The following NEK11 variants were observed in gnomAD, a reference collection of about 807,000 sequenced individuals.
NEK11 encodes the protein NIMA related kinase 11.
Under a neutral mutation model 80.7 loss-of-function variants are expected in NEK11, and 72 were observed. The ratio of observed to expected loss-of-function variants is 0.89; its 90% CI spans 0.74 to 1.08. The LOEUF (loss-of-function observed/expected upper bound fraction) is 1.08, where lower values mean the gene tolerates loss of function less well. NEK11 is among the 50% of genes least tolerant of loss of function. The pLI is 0.00. For missense variants in NEK11, 764 were observed against 763.6 expected (o/e 1.00, Z -0.01); for synonymous variants, 251 against 260.7 (o/e 0.96, Z 0.36).
chr3:131,287,037 C>G (rs534151345), intron 17 of NEK11, among the ~76,000 whole-genome samples: 4 of 152,132 alleles, frequency 2.6e-5, no homozygotes, highest in African/African-American at 4.8e-5. Flanking sequence ...AATATTAGAG[C>G]CCTAGTATTG....
At chr3:131,056,993 C>T (rs888278062) in intron 3 of NEK11, among the ~76,000 whole-genome samples, 5 of 150,102 alleles carry the variant, frequency 3.3e-5, no homozygotes, top group East Asian at 2.0e-4. Flanking sequence ...CCCATTAACT[C>T]GTCATTTAGC....
intron 17 of NEK11, among the ~76,000 whole-genome samples, chr3:131,304,716 C>A (rs1434246874): frequency 6.6e-6 from 1 of 152,004 alleles, no homozygotes; most frequent in Non-Finnish European, 1.5e-5. Flanking sequence ...TTCTCTGGAC[C>A]CTTGAGGTTA....
At chr3:131,168,518 G>A (rs537684417) in intron 12 of NEK11, among the ~76,000 whole-genome samples, 2 of 151,022 alleles carry the variant, frequency 1.3e-5, no homozygotes, top group South Asian at 2.1e-4. Flanking sequence ...CACTACGCCC[G>A]GCTAATTTTT....
intron 14 of NEK11, among the ~76,000 whole-genome samples, chr3:131,183,674 C>G (rs898316988): frequency 6.6e-6 from 1 of 152,164 alleles, no homozygotes; most frequent in Non-Finnish European, 1.5e-5. Context: ...TTTTCTTTAT[C>G]CAGTCTATCA....
At chr3:131,161,149 C>CAAAAAAAAAA (rs371334381) in intron 10 of NEK11, among the ~76,000 whole-genome samples, 3 of 115,100 alleles carry the variant, frequency 2.6e-5, no homozygotes, top group Admixed American at 9.3e-5. Flanking sequence ...GACTCCATCT[C>CAAAAAAAAAA]AAAAAAAAAA....
chr3:131,267,103 C>T (rs2096073687), intron 16 of NEK11, among the ~76,000 whole-genome samples: 2 of 152,148 alleles, frequency 1.3e-5, no homozygotes, highest in Admixed American at 1.3e-4. Flanking sequence ...AGATGGGTCT[C>T]CTGAATACAG....
chr3:131,331,727 A>G (rs998979288), intron 17 of NEK11, among the ~76,000 whole-genome samples: 8 of 152,230 alleles, frequency 5.3e-5, no homozygotes, highest in African/African-American at 1.9e-4. Context: ...AAGGGGTGAC[A>G]GACGGCACCT....
Position 131,272,463 on chromosome 3 carries a change from C to CTTTTTTTTTTTTTTTTTTT in NEK11, c.1622-1003_1622-985dup, listed in dbSNP as rs869304359. ...CTTGCTAATGGGCCAGTTTTAGCTT[C>CTTTTTTTTTTTTTTTTTTT]TTTTTTTTTTTTTTTTTTTTTTTTT... On this transcript the variant is annotated intron_variant, in intron 16 of 17. Transcript: ENST00000383366. Among the ~76,000 whole-genome samples, 66 of 43,898 alleles carry CTTTTTTTTTTTTTTTTTTT rather than the reference C, an allele frequency of 1.5e-3. 14 individuals carry two copies. Among genetic ancestry groups the CTTTTTTTTTTTTTTTTTTT allele is most frequent in the East Asian group, 4.7e-3 (5 of 1,068 alleles). The allele number at this position is 43,898 out of a possible 152,430, so 28.8% of individuals were successfully genotyped here.
At chr3:131,057,510 TA>T (rs1160117987) in intron 3 of NEK11, among the ~76,000 whole-genome samples, 2 of 151,346 alleles carry the variant, frequency 1.3e-5, no homozygotes, top group Non-Finnish European at 3.0e-5. Context: ...ACCAACAGTG[TA>T]AAAGTGTTCC....
At chr3:131,339,472 T>C (rs959079327) in intron 17 of NEK11, among the ~76,000 whole-genome samples, 1 of 152,182 alleles carries the variant, frequency 6.6e-6, no homozygotes, top group Non-Finnish European at 1.5e-5. Flanking sequence ...CTAACGGGGC[T>C]TCGGTCTTTT....
At chr3:131,222,808 T>G (rs1328925586) in intron 14 of NEK11, among the ~76,000 whole-genome samples, 1 of 152,222 alleles carries the variant, frequency 6.6e-6, no homozygotes, top group Non-Finnish European at 1.5e-5. Flanking sequence ...CAGCAAGTCT[T>G]GGGGTGGGAC....
intron 3 of NEK11, among the ~76,000 whole-genome samples, chr3:131,041,626 T>G (rs963093965): frequency 6.6e-6 from 1 of 152,166 alleles, no homozygotes; most frequent in Non-Finnish European, 1.5e-5. Context: ...GGACAGTTTT[T>G]TAGTTCAACA....
rs150260472 is a variant in NEK11, at chr3:131,132,828, T to A, written c.520+19T>A. 1.1e-4 allele frequency: 138 copies of A among 1,218,496 alleles called. 1 individual carries two copies. The African/African-American group carries it at 1.7e-3, about 15-fold the overall frequency. The allele number at this position is 1,218,496 out of a possible 1,614,324, so 75.5% of individuals were successfully genotyped here. ...AAAATTGGTAAGATTTTAAAAAGTA[T>A]GAATTCCAAAAACGCAGAACAGTAT... On this transcript the variant is annotated intron_variant, in intron 6 of 17. Transcript: ENST00000383366.
intron 14 of NEK11, among the ~76,000 whole-genome samples, chr3:131,171,854 A>G (rs76552455): frequency 0.011 from 1,715 of 152,334 alleles, 19 homozygotes; most frequent in Non-Finnish European, 0.017. Context: ...ATATTTCTTG[A>G]GTGAATTAAT....
Position 131,243,515 on chromosome 3 carries a change from G to A in NEK11, c.1621+19G>A. ...TCTCTAGGTGAGTAAGTTCCTTTAG[G>A]CTTCAAAATACATTGACAGCTACTG... is the stretch of plus-strand genomic sequence containing the variant. On this transcript the variant is annotated intron_variant, in intron 16 of 17. Coordinates refer to ENST00000383366, the MANE Select transcript of NEK11 (RefSeq NM_024800.5). 1 of 1,601,630 alleles carries A rather than the reference G, an allele frequency of 6.2e-7. No homozygotes were observed. The highest frequency in any genetic ancestry group is 1.1e-5 in the South Asian group (1 of 90,450).
At chr3:131,335,447 A>C (rs1362487250) in intron 17 of NEK11, among the ~76,000 whole-genome samples, 3 of 152,340 alleles carry the variant, frequency 2.0e-5, no homozygotes, top group African/African-American at 4.8e-5. Flanking sequence ...TCAATAAATT[A>C]GGTATTGATG....
At chr3:131,036,885 C>T (rs976422965) in intron 3 of NEK11, among the ~76,000 whole-genome samples, 2 of 152,130 alleles carry the variant, frequency 1.3e-5, no homozygotes, top group Admixed American at 6.5e-5. Context: ...GTGAATGGCA[C>T]TAAAATGGAA....
chr3:131,280,768 C>A (rs1036642930), intron 17 of NEK11, among the ~76,000 whole-genome samples: 1 of 152,134 alleles, frequency 6.6e-6, no homozygotes, highest in Admixed American at 6.5e-5. Context: ...AATAAATAGC[C>A]GGGATCTTTG....
Position 131,165,432 on chromosome 3 carries a change from T to C in NEK11, c.1089T>C (p.Ile363=). Residue 363 remains isoleucine (I), a synonymous_variant, in exon 12 of 18, where the codon ATT becomes ATC. Transcript: ENST00000383366. ...ATTCACTTTAAATTTACAGAAAGAT[T>C]GTGGAAGAAAAATATGAAGAAAATA... ...ADEKARKLKK[I]VEEKYEENSK... 1 of 1,600,028 alleles carries C rather than the reference T, an allele frequency of 6.2e-7. No individual in the cohort carries two copies. Among genetic ancestry groups the C allele is most frequent in the Middle Eastern group, 1.7e-4 (1 of 5,908 alleles).
Sources: allele counts gnomAD v4.1 joint callset (sites outside exome capture counted in the v4.1 genomes callset), GRCh38; gene constraint gnomAD v4.1.1; transcripts MANE v1.5; gene names NCBI Gene and HGNC (gene_info 2026-07-23, HGNC 2026-07-21).